The following DLGAP2 variants were observed in gnomAD, a reference collection of about 807,000 sequenced individuals.
DLGAP2 encodes the protein disks large-associated protein 2.
Under a neutral mutation model 100.3 loss-of-function variants are expected in DLGAP2, and 26 were observed. That is an observed-to-expected ratio of 0.26 (90% CI 0.19 to 0.36). The LOEUF is 0.36. Among genes scored for constraint, DLGAP2 ranks in the 10% least tolerant of loss-of-function variants. The pLI is 1.00. For synonymous variants in DLGAP2, 886 were observed against 630.1 expected (o/e 1.41, Z -6.08); for missense variants, 1,858 against 1,453.2 (o/e 1.28, Z -4.53).
At chr8:1,228,413 G>A (rs192124941) in intron 2 of DLGAP2, among the ~76,000 whole-genome samples, 174 of 152,254 alleles carry the variant, frequency 1.1e-3, no homozygotes, top group African/African-American at 4.0e-3. Context: ...TCTTACATAT[G>A]CTCTTTCAAA....
At chr8:825,607 T>A (rs183055021) in intron 1 of DLGAP2, among the ~76,000 whole-genome samples, 2 of 152,342 alleles carry the variant, frequency 1.3e-5, no homozygotes, top group African/African-American at 4.8e-5. Flanking sequence ...TTGGGTCTTC[T>A]CGCTGTTCTT....
chr8:1,237,656 T>G (rs1798694080), intron 2 of DLGAP2, among the ~76,000 whole-genome samples: 1 of 38,674 alleles, frequency 2.6e-5, no homozygotes, highest in African/African-American at 8.3e-5. Context: ...CTCTCACACA[T>G]AGCGTCATGT....
intron 2 of DLGAP2, among the ~76,000 whole-genome samples, chr8:982,660 A>G (rs866092017): frequency 6.6e-6 from 1 of 152,196 alleles, no homozygotes; most frequent in Admixed American, 6.5e-5. Flanking sequence ...AATAAATGCA[A>G]TATGGATATG....
intron 3 of DLGAP2, among the ~76,000 whole-genome samples, chr8:1,418,748 G>A (rs1162307842): frequency 1.3e-5 from 2 of 152,128 alleles, no homozygotes; most frequent in South Asian, 4.1e-4. Flanking sequence ...CACCAACTGG[G>A]CGTCCTCTAA....
intron 3 of DLGAP2, among the ~76,000 whole-genome samples, chr8:1,313,328 CACTT>C (rs1396648291): frequency 3.3e-5 from 5 of 152,172 alleles, no homozygotes; most frequent in African/African-American, 4.8e-5. Flanking sequence ...TAAAACTTGA[CACTT>C]AGAATAAAAA....
chr8:1,050,988 G>T (rs1170265695), intron 2 of DLGAP2, among the ~76,000 whole-genome samples: 2 of 28,802 alleles, frequency 6.9e-5, no homozygotes, highest in Non-Finnish European at 1.5e-4. Context: ...GGGTCATTTC[G>T]TGGGTGGGAG....
chr8:917,590 T>C (rs1798621632), intron 2 of DLGAP2, among the ~76,000 whole-genome samples: 1 of 152,018 alleles, frequency 6.6e-6, no homozygotes, highest in Admixed American at 6.6e-5. Context: ...AATATTCTTT[T>C]GTTGTTGCTG....
chr8:1,360,914 C>T (rs563463407), intron 3 of DLGAP2, among the ~76,000 whole-genome samples: 31 of 152,332 alleles, frequency 2.0e-4, no homozygotes, highest in Admixed American at 9.1e-4. Context: ...CACGGTTTCT[C>T]GCCTCTCATC....
intron 3 of DLGAP2, among the ~76,000 whole-genome samples, chr8:1,335,873 A>C (rs1471068152): frequency 6.6e-6 from 1 of 151,660 alleles, no homozygotes; most frequent in East Asian, 1.9e-4. Context: ...AAAGTGTGGC[A>C]GAGCCGGGGC....
At chr8:1,375,013 G>C (rs1802355052) in intron 3 of DLGAP2, among the ~76,000 whole-genome samples, 1 of 152,118 alleles carries the variant, frequency 6.6e-6, no homozygotes. Context: ...GACAGCAGGT[G>C]GTCACTGGGG....
At chr8:1,434,047 G>C (rs1346415770) in intron 3 of DLGAP2, among the ~76,000 whole-genome samples, 2 of 152,130 alleles carry the variant, frequency 1.3e-5, no homozygotes, top group Non-Finnish European at 2.9e-5. Context: ...GTGTTTTTGC[G>C]AAGTCCCAGA....
chr8:797,603 ATGT>A (rs1389993445), intron 1 of DLGAP2, among the ~76,000 whole-genome samples: 1 of 152,102 alleles, frequency 6.6e-6, no homozygotes, highest in Admixed American at 6.6e-5. Context: ...TCAATGTGAG[ATGT>A]TGTAACTTTT....
At chr8:1,134,061 C>A (rs959755063) in intron 2 of DLGAP2, among the ~76,000 whole-genome samples, 3 of 151,728 alleles carry the variant, frequency 2.0e-5, no homozygotes, top group African/African-American at 7.3e-5. Context: ...GAGTTCTCAT[C>A]ATTTAGCTCC....
At chr8:1,557,617 C>T (rs951595893) in intron 5 of DLGAP2, among the ~76,000 whole-genome samples, 1 of 152,064 alleles carries the variant, frequency 6.6e-6, no homozygotes, top group Non-Finnish European at 1.5e-5. Flanking sequence ...GACGGGCATA[C>T]ACACCCGGGG....
chr8:776,083 G>C (rs1247740853), intron 1 of DLGAP2, among the ~76,000 whole-genome samples: 4 of 152,104 alleles, frequency 2.6e-5, no homozygotes, highest in African/African-American at 7.2e-5. Flanking sequence ...TCTTGGGAGA[G>C]TGTATGTGTT....
intron 1 of DLGAP2, among the ~76,000 whole-genome samples, chr8:821,905 A>G (rs574539174): frequency 1.3e-5 from 2 of 152,348 alleles, no homozygotes; most frequent in East Asian, 1.9e-4. Context: ...GGTCTGGTCT[A>G]CAAACAGTTG....
chr8:1,208,593 C>T (rs1198750291), intron 2 of DLGAP2, among the ~76,000 whole-genome samples: 1 of 145,008 alleles, frequency 6.9e-6, no homozygotes, highest in East Asian at 2.1e-4. Flanking sequence ...ACTTTTACCA[C>T]TTCTGTTCAA....
chr8:969,358 T>A (rs917086384), intron 2 of DLGAP2, among the ~76,000 whole-genome samples: 6 of 152,208 alleles, frequency 3.9e-5, no homozygotes, highest in African/African-American at 1.4e-4. Flanking sequence ...CATGCGCGAG[T>A]GAGCCAATCC....
intron 2 of DLGAP2, among the ~76,000 whole-genome samples, chr8:1,068,786 C>T (rs1803336249): frequency 6.6e-6 from 1 of 150,896 alleles, no homozygotes; most frequent in Non-Finnish European, 1.5e-5. Flanking sequence ...AAGTGCTTTC[C>T]TGTGAGTGTT....
Sources: gnomAD v4.1 joint callset for allele counts (sites outside exome capture counted in the v4.1 genomes callset) on GRCh38, gnomAD v4.1.1 for gene constraint, MANE v1.5 for transcripts, NCBI Gene and HGNC (gene_info 2026-07-23, HGNC 2026-07-21) for gene names.